UGT3A2: variants seen among roughly 807,000 people sequenced by gnomAD.
The protein encoded by UGT3A2 is UDP glycosyltransferase family 3 member A2, also known as UDP-glycosyltransferase 3A2.
Under a neutral mutation model 39.8 loss-of-function variants are expected in UGT3A2, and 32 were observed. The ratio of observed to expected loss-of-function variants is 0.80; its 90% CI spans 0.61 to 1.08. The LOEUF is 1.08. Ranked by LOEUF, UGT3A2 falls within the 50% of genes least tolerant of loss-of-function variation. UGT3A2 has a pLI of 0.00. For missense variants in UGT3A2, 611 were observed against 637.1 expected (o/e 0.96, Z 0.44); for synonymous variants, 241 against 230.7 (o/e 1.04, Z -0.40).
chr5:36,047,901 C>T (rs922834575), intron 4 of UGT3A2, among the ~76,000 whole-genome samples: 1 of 152,122 alleles, frequency 6.6e-6, no homozygotes, highest in Non-Finnish European at 1.5e-5. Flanking sequence ...GTATTGGGAC[C>T]CCTGCTCCCC....
rs767905468 is a variant in UGT3A2, at chr5:36,035,813, A to C, written c.1457T>G (p.Leu486Arg). 1.9e-6 allele frequency: 3 copies of C among 1,614,202 alleles called. No individual in the cohort carries two copies. The South Asian group carries it at 3.3e-5, about 18-fold the overall frequency. ...CCCCAGCAGAAACACAAAAACGTCGAGCAGGTACTGCTCATGCCAGGGCTG... is the reference window on the plus strand; with the variant it reads ...CCCCAGCAGAAACACAAAAACGTCGCGCAGGTACTGCTCATGCCAGGGCTG... ...FQQPWHEQYLLDVFVFLLGLT... is the reference protein window; with the variant it reads ...FQQPWHEQYLRDVFVFLLGLT... Residue 486 changes from leucine (L) to arginine (R), a missense_variant, in exon 7 of 7, where the codon CTC becomes CGC. Transcript: ENST00000282507.
At position 36,035,983 on chromosome 5, in the gene UGT3A2, A is replaced by G; in HGVS notation, c.1296-9T>C. 2 of 1,611,050 alleles carry G rather than the reference A, an allele frequency of 1.2e-6. No individual in the cohort carries two copies. Among genetic ancestry groups the G allele is most frequent in the Non-Finnish European group, 1.7e-6 (2 of 1,177,516 alleles). On this transcript the variant is annotated splice_polypyrimidine_tract_variant and intron_variant, in intron 6 of 6. Coordinates refer to ENST00000282507, the MANE Select transcript of UGT3A2 (RefSeq NM_174914.4). ...CTGCCGCGGACTTGTATCTGTTGAG[A>G]GAGATAGAGAGGGGGCATTACTAAT...
chr5:36,039,531 G>A lies in UGT3A2; in HGVS notation c.1021C>T (p.His341Tyr), dbSNP rs1176790244. 2.5e-6 allele frequency: 4 copies of A among 1,614,054 alleles called. No individual in the cohort carries two copies. Among genetic ancestry groups the A allele is most frequent in the Non-Finnish European group, 3.4e-6 (4 of 1,180,042 alleles). The part of the protein sequence containing the change: ...CQCSHWPKDV[H>Y]LAANVKIVDW... ...ACAATTTTCACATTTGCAGCCAGGT[G>A]GACATCTTTGGGCCAATGAGAACAC... Residue 341 changes from histidine to tyrosine, a missense_variant, in exon 5 of 7, where the codon CAC becomes TAC. His to Tyr is a moderately conservative substitution (Grantham distance 83). Transcript: ENST00000282507.
chr5:36,040,941 A>G (rs1230545770), intron 4 of UGT3A2, among the ~76,000 whole-genome samples: 1 of 152,126 alleles, frequency 6.6e-6, no homozygotes, highest in East Asian at 1.9e-4. Flanking sequence ...TTGTCTTGCA[A>G]TGTGGGTACT....
intron 1 of UGT3A2, 124 bp downstream of exon 1, chr5:36,066,572 C>T: frequency 1.3e-6 from 2 of 1,540,498 alleles, no homozygotes; most frequent in Non-Finnish European, 1.8e-6. Context: ...CTCCTCCAGC[C>T]GGGTCCGCAA....
At chr5:36,065,338 G>A (rs1189533719) in intron 1 of UGT3A2, among the ~76,000 whole-genome samples, 1 of 152,180 alleles carries the variant, frequency 6.6e-6, no homozygotes, top group African/African-American at 2.4e-5. Context: ...GACGTATAAA[G>A]TACAAATCTG....
intron 3 of UGT3A2, among the ~76,000 whole-genome samples, chr5:36,051,322 G>A (rs1742334635): frequency 6.6e-6 from 1 of 152,072 alleles, no homozygotes; most frequent in Admixed American, 6.5e-5. Context: ...TCAGTTTCAT[G>A]TTTCATTTTT....
In UGT3A2 at chr5:36,035,525, T is replaced by C. The variant is rs1268175788; in HGVS notation, c.*173A>G. On this transcript the variant is annotated 3_prime_UTR_variant, in exon 7 of 7. Coordinates refer to ENST00000282507, the MANE Select transcript of UGT3A2 (RefSeq NM_174914.4). Reference sequence around the variant, plus strand: ...CAGGCAGGAGCTAGTAAGGATGAATTTGTAGCAAAATTAGCAAGTGGAAAG... The same window carrying C: ...CAGGCAGGAGCTAGTAAGGATGAATCTGTAGCAAAATTAGCAAGTGGAAAG... 4 of 967,138 alleles carry C rather than the reference T, an allele frequency of 4.1e-6. No individual in the cohort carries two copies. The highest frequency in any genetic ancestry group is 6.0e-6 in the Non-Finnish European group (4 of 663,510). 59.9% of individuals were successfully genotyped at this position (967,138 alleles called of 1,614,324 possible).
intron 1 of UGT3A2, among the ~76,000 whole-genome samples, chr5:36,066,099 C>T (rs909656839): frequency 2.6e-5 from 4 of 152,182 alleles, no homozygotes; most frequent in East Asian, 3.8e-4. Context: ...CCAAAAGATG[C>T]GAATGACCTG....
In UGT3A2 at chr5:36,066,750, G is replaced by A; in HGVS notation, c.40C>T (p.Leu14Phe). 1 of 1,614,208 alleles carries A rather than the reference G, an allele frequency of 6.2e-7. No homozygotes were observed. ...QRVLLLVGFL[L>F]PGVLLSEAAK... The stretch of plus-strand genomic sequence containing the variant: ...GCCTCTGAGAGCAGGACCCCAGGGA[G>A]AAGGAAGCCCACTAGAAGAAGCACT... Residue 14 changes from leucine (L) to phenylalanine (F), a missense_variant, in exon 1 of 7, where the codon CTC (leucine) becomes TTC (phenylalanine). Leu to Phe is a conservative substitution (Grantham distance 22). Transcript: ENST00000282507.
At chr5:36,051,436 A>C (rs1742338070) in intron 3 of UGT3A2, among the ~76,000 whole-genome samples, 1 of 152,196 alleles carries the variant, frequency 6.6e-6, no homozygotes, top group Non-Finnish European at 1.5e-5. Context: ...ATATATAAGA[A>C]GAAGGGAAGA....
intron 2 of UGT3A2, among the ~76,000 whole-genome samples, chr5:36,054,924 G>T (rs1174004399): frequency 6.6e-6 from 1 of 152,076 alleles, no homozygotes; most frequent in African/African-American, 2.4e-5. Flanking sequence ...AGAATCTGGG[G>T]AGTTCAACAG....
chr5:36,036,087 C>T, intron 6 of UGT3A2, 113 bp from the exon 7 acceptor site: 1 of 1,340,274 alleles, frequency 7.5e-7, no homozygotes, highest in South Asian at 1.5e-5. Flanking sequence ...ATTCTGTTGG[C>T]TTTGCAGTAA....
At chr5:36,060,968 G>A (rs1031485797) in intron 2 of UGT3A2, among the ~76,000 whole-genome samples, 14 of 152,096 alleles carry the variant, frequency 9.2e-5, no homozygotes, top group African/African-American at 1.9e-4. Flanking sequence ...CCGGCCTGGC[G>A]AACATGGCAA....
chr5:36,058,542 G>A (rs1742584479), intron 2 of UGT3A2, among the ~76,000 whole-genome samples: 1 of 152,072 alleles, frequency 6.6e-6, no homozygotes, highest in South Asian at 2.1e-4. Context: ...CGCCCCAAGT[G>A]CAGTGCTTCT....
chr5:36,035,458 G>T lies in UGT3A2; in HGVS notation c.*240C>A. The T allele has an allele frequency of 1.8e-6, 1 of 549,382 alleles. No homozygotes were observed. The highest frequency in any genetic ancestry group is 3.2e-6 in the Non-Finnish European group (1 of 314,638). 34.0% of individuals were successfully genotyped at this position (549,382 alleles called of 1,614,324 possible). On this transcript the variant is annotated 3_prime_UTR_variant, in exon 7 of 7. Coordinates refer to ENST00000282507, the MANE Select transcript of UGT3A2 (RefSeq NM_174914.4). The stretch of plus-strand genomic sequence containing the variant: ...AATCACAGCATAGCCCTTGCTGATG[G>T]CAAACAAAGGAGGACAAGAGGACTG...
In UGT3A2 at chr5:36,035,863, C is replaced by G. The variant is rs138782726; in HGVS notation, c.1407G>C (p.Thr469=). Residue 469 remains threonine (T), a synonymous_variant, in exon 7 of 7, where the codon ACG becomes ACC. Coordinates refer to ENST00000282507, the MANE Select transcript of UGT3A2 (RefSeq NM_174914.4). ...GCTGAAAGACATAGGGCTTGAGGTG[C>G]GTCGCGCCCCCTGTCTGGAGGACGT... The part of the protein sequence containing the change: ...IDHVLQTGGA[T]HLKPYVFQQP... 2.5e-6 allele frequency: 4 copies of G among 1,614,168 alleles called. No individual in the cohort carries two copies. Among genetic ancestry groups the G allele is most frequent in the Non-Finnish European group, 3.4e-6 (4 of 1,180,034 alleles).
chr5:36,065,177 C>A (rs1343293569), intron 1 of UGT3A2, among the ~76,000 whole-genome samples: 1 of 151,128 alleles, frequency 6.6e-6, no homozygotes, highest in Non-Finnish European at 1.5e-5. Context: ...TTCTCAGCAG[C>A]AGAGAAAGGA....
chr5:36,064,107 C>T (rs548610486), intron 2 of UGT3A2, 142 bp downstream of exon 2: 16 of 746,508 alleles, frequency 2.1e-5, no homozygotes, highest in Non-Finnish European at 6.3e-6. Flanking sequence ...TTTTTTGGCA[C>T]TTTACATACA....
Sources: allele counts gnomAD v4.1 joint callset (sites outside exome capture counted in the v4.1 genomes callset), GRCh38; gene constraint gnomAD v4.1.1; transcripts MANE v1.5; gene names NCBI Gene and HGNC (gene_info 2026-07-23, HGNC 2026-07-21).